The following NOSTRIN variants were observed in gnomAD, a reference collection of about 807,000 sequenced individuals.
NOSTRIN encodes the protein nitric oxide synthase trafficking, also known as BM247 homolog.
In NOSTRIN, 63 loss-of-function variants were observed where a neutral mutation model predicts 59.0. The observed-to-expected ratio is 1.07, with a 90% CI of 0.87 to 1.32. NOSTRIN has a LOEUF of 1.32. NOSTRIN is among the 40% of genes most tolerant of loss of function. NOSTRIN has a pLI of 0.00. For missense variants in NOSTRIN, 512 were observed against 473.1 expected (o/e 1.08, Z -0.76); for synonymous variants, 200 against 165.4 (o/e 1.21, Z -1.61).
chr2:168,834,507 G>GCACACACACA lies in NOSTRIN; in HGVS notation c.504+208_504+217dup, dbSNP rs1553527194. ...TACTGGCGTGCGCGCGCGCGCGCGCGCACACACACACACACACACACACAC... is the reference window on the plus strand; with the variant it reads ...TACTGGCGTGCGCGCGCGCGCGCGCGCACACACACACACACACACACACACACACACACAC... On this transcript the variant is annotated intron_variant, in intron 7 of 15. Coordinates refer to ENST00000317647, the MANE Select transcript of NOSTRIN (RefSeq NM_001039724.4). Among the ~76,000 whole-genome samples, 909 of 125,286 alleles carry GCACACACACA rather than the reference G, an allele frequency of 7.3e-3. 3 individuals carry two copies. The highest frequency in any genetic ancestry group is 0.03 in the Middle Eastern group (7 of 236). The allele number at this position is 125,286 out of a possible 152,430, so 82.2% of individuals were successfully genotyped here.
rs767729458 is a variant in NOSTRIN, at chr2:168,824,709, G to A, written c.189G>A (p.Thr63=). ...AGCTGAGCAAAGCATTACAGAACACGAGAAAAAGGTAAGTATTGTGGCAGA... is the reference window on the plus strand; with the variant it reads ...AGCTGAGCAAAGCATTACAGAACACAAGAAAAAGGTAAGTATTGTGGCAGA... The part of the protein sequence containing the change: ...ASKLSKALQN[T]RKSCVSSAWA... The change falls in exon 3 of 16, where the codon ACG becomes ACA. Residue 63 remains threonine (T), a synonymous_variant. Coordinates refer to ENST00000317647, the MANE Select transcript of NOSTRIN (RefSeq NM_001039724.4). 26 of 872,408 alleles carry A rather than the reference G, an allele frequency of 3.0e-5. No homozygotes were observed. In the East Asian group the frequency reaches 4.3e-4, roughly 14 times the overall value. The allele number at this position is 872,408 out of a possible 1,614,324, so 54.0% of individuals were successfully genotyped here. A position where few individuals can be genotyped will look rare whatever the true frequency, so the allele number is the denominator to read the frequency against.
intron 2 of NOSTRIN, among the ~76,000 whole-genome samples, chr2:168,815,315 C>A (rs1465024153): frequency 6.6e-6 from 1 of 152,206 alleles, no homozygotes; most frequent in Non-Finnish European, 1.5e-5. Flanking sequence ...AGAAACATAG[C>A]AGCTCCTAGA....
intron 14 of NOSTRIN, among the ~76,000 whole-genome samples, chr2:168,861,354 A>G (rs1469253197): frequency 6.6e-6 from 1 of 152,162 alleles, no homozygotes; most frequent in Non-Finnish European, 1.5e-5. Context: ...ATCTGACTTC[A>G]GTCATTCATG....
chr2:168,803,785 A>C (rs1458946206), intron 1 of NOSTRIN, among the ~76,000 whole-genome samples: 2 of 152,186 alleles, frequency 1.3e-5, no homozygotes, highest in African/African-American at 4.8e-5. Flanking sequence ...TTAAGAGTGA[A>C]ACTTCCCCCT....
upstream of NOSTRIN, among the ~76,000 whole-genome samples, chr2:168,796,717 G>A (rs536179433): frequency 7.2e-5 from 11 of 152,160 alleles, no homozygotes; most frequent in East Asian, 1.9e-4. Flanking sequence ...ATCCTACTTC[G>A]TTTCCTGCTT....
chr2:168,802,324 G>T (rs829957), upstream of NOSTRIN: 48,265 of 301,072 alleles, frequency 0.16, 4,716 homozygotes, highest in African/African-American at 0.29. Flanking sequence ...CCAAGCGCAA[G>T]AATTGTTGGA....
intron 14 of NOSTRIN, 127 bp downstream of exon 14, chr2:168,861,036 C>A (rs1192437525): frequency 1.6e-6 from 1 of 612,454 alleles, no homozygotes. Flanking sequence ...TCCATTGGGA[C>A]CGATTAATTT....
chr2:168,804,768 A>C (rs1685761190), intron 1 of NOSTRIN, among the ~76,000 whole-genome samples: 1 of 152,204 alleles, frequency 6.6e-6, no homozygotes, highest in Admixed American at 6.5e-5. Flanking sequence ...CAGTGAAAAA[A>C]AATCTCTATT....
At chr2:168,819,778 A>G (rs1686625295) in intron 2 of NOSTRIN, among the ~76,000 whole-genome samples, 1 of 152,196 alleles carries the variant, frequency 6.6e-6, no homozygotes, top group Admixed American at 6.5e-5. Flanking sequence ...AGTTGCAGGC[A>G]GAGAAAGGGT....
At chr2:168,854,381 C>A (rs993951256) in intron 10 of NOSTRIN, among the ~76,000 whole-genome samples, 32 of 152,140 alleles carry the variant, frequency 2.1e-4, no homozygotes, top group African/African-American at 7.5e-4. Context: ...CACCTTGAGT[C>A]ATTAGTTTCC....
At chr2:168,821,189 T>C (rs879921107) in intron 2 of NOSTRIN, among the ~76,000 whole-genome samples, 1 of 152,202 alleles carries the variant, frequency 6.6e-6, no homozygotes, top group African/African-American at 2.4e-5. Flanking sequence ...AATACAATGC[T>C]GGAAAGAAAA....
At chr2:168,797,433 T>C (rs968117255), upstream of NOSTRIN, among the ~76,000 whole-genome samples, 4 of 151,744 alleles carry the variant, frequency 2.6e-5, no homozygotes, top group African/African-American at 9.7e-5. Context: ...ATAAACAAAG[T>C]AAAAGAGGTG....
intron 7 of NOSTRIN, among the ~76,000 whole-genome samples, chr2:168,836,121 CTT>C (rs1263657458): frequency 1.3e-5 from 2 of 152,200 alleles, no homozygotes; most frequent in African/African-American, 2.4e-5. Flanking sequence ...TTACAAGACT[CTT>C]ATTTCTTTCC....
chr2:168,820,718 C>CAA (rs11452657), intron 2 of NOSTRIN, among the ~76,000 whole-genome samples: 38,009 of 132,526 alleles, frequency 0.29, 5,547 homozygotes, highest in Middle Eastern at 0.34. Flanking sequence ...AAAAGCTGGC[C>CAA]AAAAAAAAAA....
chr2:168,811,808 A>G (rs1392598562), intron 2 of NOSTRIN, 156 bp downstream of exon 2: 1 of 463,530 alleles, frequency 2.2e-6, no homozygotes, highest in Admixed American at 4.4e-5. Context: ...CCCCTATTGC[A>G]CATTTATCAA....
upstream of NOSTRIN, among the ~76,000 whole-genome samples, chr2:168,793,663 T>A (rs1361162576): frequency 6.6e-6 from 1 of 152,104 alleles, no homozygotes; most frequent in Non-Finnish European, 1.5e-5. Context: ...TAAGTTCCTA[T>A]GTGGAGAGAA....
intron 5 of NOSTRIN, among the ~76,000 whole-genome samples, chr2:168,830,393 A>G (rs1405113652): frequency 6.6e-6 from 1 of 152,212 alleles, no homozygotes; most frequent in Non-Finnish European, 1.5e-5. Context: ...TTATTTTCTA[A>G]AGTGACCTTG....
At chr2:168,863,243 T>C (rs1435533401) in intron 15 of NOSTRIN, 1 of 236,626 alleles carries the variant, frequency 4.2e-6, no homozygotes. Context: ...TTTGAATTCT[T>C]GTTAATAGAT....
chr2:168,827,927 T>A (rs760229804), intron 3 of NOSTRIN, among the ~76,000 whole-genome samples: 11 of 151,892 alleles, frequency 7.2e-5, no homozygotes, highest in South Asian at 6.2e-4. Flanking sequence ...AAATAGGAAA[T>A]GAAAATCTAA....
Sources: allele counts gnomAD v4.1 joint callset (sites outside exome capture counted in the v4.1 genomes callset), GRCh38; gene constraint gnomAD v4.1.1; transcripts MANE v1.5; gene names NCBI Gene and HGNC (gene_info 2026-07-23, HGNC 2026-07-21).